Variants in PDZRN3 observed in about 807,000 individuals in gnomAD.
PDZRN3 encodes E3 ubiquitin-protein ligase PDZRN3.
A neutral mutation model predicts 85.7 loss-of-function variants in PDZRN3; 38 were observed. The ratio of observed to expected loss-of-function variants is 0.44; its 90% confidence interval spans 0.34 to 0.58. The LOEUF is 0.58. PDZRN3 is among the 20% of genes least tolerant of loss of function. The pLI is 0.01. For missense variants in PDZRN3, 1,629 were observed against 1,506.4 expected (o/e 1.08, Z -1.35); for synonymous variants, 759 against 638.0 (o/e 1.19, Z -2.86).
intron 9 of PDZRN3, 137 bp downstream of exon 9, chr3:73,385,532 A>C: frequency 1.6e-6 from 1 of 635,238 alleles, no homozygotes; most frequent in Non-Finnish European, 2.8e-6. Flanking sequence ...ATAGAAAAGT[A>C]CTTGAGGCTG....
chr3:73,504,029 G>A (rs1704027998), intron 3 of PDZRN3, among the ~76,000 whole-genome samples: 1 of 152,156 alleles, frequency 6.6e-6, no homozygotes. Flanking sequence ...CGAAGTCACA[G>A]GGCATGTGCT....
At chr3:73,603,041 T>C (rs570409614) in intron 2 of PDZRN3, among the ~76,000 whole-genome samples, 8 of 152,256 alleles carry the variant, frequency 5.3e-5, no homozygotes, top group Non-Finnish European at 1.2e-4. Context: ...TCCCTAACAA[T>C]GGAACTGTTG....
intron 3 of PDZRN3, among the ~76,000 whole-genome samples, chr3:73,551,412 G>A (rs933152736): frequency 6.6e-6 from 1 of 152,156 alleles, no homozygotes; most frequent in Non-Finnish European, 1.5e-5. Flanking sequence ...GCCAGGAGTG[G>A]TGACTCACAC....
chr3:73,395,443 T>C (rs1177794167), intron 5 of PDZRN3, among the ~76,000 whole-genome samples: 1 of 152,226 alleles, frequency 6.6e-6, no homozygotes, highest in Non-Finnish European at 1.5e-5. Context: ...GGACTGTTGA[T>C]AAAAATGAAC....
chr3:73,499,360 T>C (rs760199942), intron 3 of PDZRN3, among the ~76,000 whole-genome samples: 1 of 152,182 alleles, frequency 6.6e-6, no homozygotes, highest in Non-Finnish European at 1.5e-5. Context: ...GTGACGCTGG[T>C]AACTCACATG....
chr3:73,410,692 C>T (rs905133537), intron 3 of PDZRN3, among the ~76,000 whole-genome samples: 6 of 152,190 alleles, frequency 3.9e-5, no homozygotes, highest in Non-Finnish European at 7.3e-5. Context: ...GGCTACCAGC[C>T]TCTGATTAGT....
intron 3 of PDZRN3, among the ~76,000 whole-genome samples, chr3:73,423,743 C>A (rs1192259726): frequency 1.3e-5 from 2 of 152,182 alleles, no homozygotes; most frequent in East Asian, 1.9e-4. Flanking sequence ...CCAGCCCACT[C>A]CGTCTTCCCC....
chr3:73,563,003 ATATATATATATTTTTT>A (rs1210337673), intron 3 of PDZRN3, among the ~76,000 whole-genome samples: 11 of 37,128 alleles, frequency 3.0e-4, no homozygotes, highest in East Asian at 9.9e-4. Flanking sequence ...ATATATATAT[ATATATATATATTTTTT>A]TTTTTTTTTT....
intron 3 of PDZRN3, among the ~76,000 whole-genome samples, chr3:73,564,056 C>A (rs759123161): frequency 6.6e-6 from 1 of 152,196 alleles, no homozygotes; most frequent in Non-Finnish European, 1.5e-5. Flanking sequence ...GAGGCTGTGC[C>A]TATTCTGCCC....
Position 73,624,625 on chromosome 3 carries a change from G to C in PDZRN3, c.201C>G (p.His67Gln). The C allele has an allele frequency of 6.4e-7, 1 of 1,557,094 alleles. No homozygotes were observed. The highest frequency in any genetic ancestry group is 8.7e-7 in the Non-Finnish European group (1 of 1,155,314). Residue 67 changes from histidine (H) to glutamine (Q), a missense_variant, in exon 1 of 10, where the codon CAC becomes CAG. Physicochemically the swap from His to Gln is conservative, Grantham distance 24. Coordinates refer to ENST00000263666, the MANE Select transcript of PDZRN3 (RefSeq NM_015009.3). The part of the protein sequence containing the change: ...RGRLSAKELN[H>Q]VLPLKRLILK... ...GGATAAGGCGCTTGAGCGGCAGGAC[G>C]TGGTTGAGCTCTTTGGCCGACAGGC...
At chr3:73,578,784 A>G (rs1328736877) in intron 3 of PDZRN3, among the ~76,000 whole-genome samples, 4 of 152,130 alleles carry the variant, frequency 2.6e-5, no homozygotes, top group Admixed American at 2.0e-4. Context: ...CTGCTTGGAT[A>G]TGAGAAATGT....
At chr3:73,410,836 C>G (rs1701951722) in intron 3 of PDZRN3, among the ~76,000 whole-genome samples, 1 of 152,220 alleles carries the variant, frequency 6.6e-6, no homozygotes, top group African/African-American at 2.4e-5. Flanking sequence ...TCATTTCAAG[C>G]AATGGCATCC....
At chr3:73,565,059 T>C (rs933290010) in intron 3 of PDZRN3, among the ~76,000 whole-genome samples, 3 of 152,052 alleles carry the variant, frequency 2.0e-5, no homozygotes, top group African/African-American at 4.8e-5. Flanking sequence ...CATAGCACTA[T>C]GTAATACTGT....
intron 3 of PDZRN3, among the ~76,000 whole-genome samples, chr3:73,519,562 CATTA>C (rs1271318596): frequency 6.6e-6 from 1 of 152,138 alleles, no homozygotes; most frequent in Non-Finnish European, 1.5e-5. Flanking sequence ...TAAGTGGGAT[CATTA>C]ATTGTTTCTA....
chr3:73,523,318 T>C (rs1445615934), intron 3 of PDZRN3, among the ~76,000 whole-genome samples: 2 of 152,172 alleles, frequency 1.3e-5, no homozygotes, highest in Non-Finnish European at 1.5e-5. Context: ...TAAGCCACCA[T>C]ACGGGGCCAA....
At chr3:73,609,239 G>T (rs1391843387) in intron 1 of PDZRN3, among the ~76,000 whole-genome samples, 4 of 152,140 alleles carry the variant, frequency 2.6e-5, no homozygotes, top group African/African-American at 9.7e-5. Flanking sequence ...CTGAAAAGGG[G>T]GAGGGGGCAT....
intron 3 of PDZRN3, among the ~76,000 whole-genome samples, chr3:73,599,232 G>T (rs923840873): frequency 6.6e-6 from 1 of 152,230 alleles, no homozygotes; most frequent in African/African-American, 2.4e-5. Flanking sequence ...TGGACAAAAT[G>T]TGGTAAATAC....
chr3:73,540,306 C>T (rs1189209319), intron 3 of PDZRN3, among the ~76,000 whole-genome samples: 1 of 152,052 alleles, frequency 6.6e-6, no homozygotes, highest in Non-Finnish European at 1.5e-5. Flanking sequence ...TAAACATTTA[C>T]ATATTCTGTT....
At position 73,611,686 on chromosome 3, in the gene PDZRN3, T is replaced by C. The variant is rs181890807; in HGVS notation, c.724-3002A>G. Among the ~76,000 whole-genome samples, 221 of 152,370 alleles carry C rather than the reference T, an allele frequency of 1.5e-3. 2 individuals are homozygous for C. The South Asian group carries it at 0.017, about 12-fold the overall frequency. The stretch of plus-strand genomic sequence containing the variant: ...CTCCAACTAATTACCAAAGGTTAAT[T>C]GCTATTCTTTGACAACGTGATTCTG... On this transcript the variant is annotated intron_variant, in intron 1 of 9. Transcript: ENST00000263666.
Sources: gnomAD v4.1 joint callset for allele counts (sites outside exome capture counted in the v4.1 genomes callset) on GRCh38, gnomAD v4.1.1 for gene constraint, MANE v1.5 for transcripts, NCBI Gene and HGNC (gene_info 2026-07-23, HGNC 2026-07-21) for gene names.